The following CCDC138 variants were observed in gnomAD, a reference collection of about 807,000 sequenced individuals.
CCDC138 encodes the protein coiled-coil domain containing 138.
Under a neutral mutation model 82.3 loss-of-function variants are expected in CCDC138, and 66 were observed. That is an observed-to-expected ratio of 0.80 (90% CI 0.66 to 0.98). CCDC138 has a LOEUF of 0.98. Among genes scored for constraint, CCDC138 ranks in the 50% least tolerant of loss-of-function variants. The pLI is 0.00. For synonymous variants in CCDC138, 297 were observed against 265.4 expected (o/e 1.12, Z -1.16); for missense variants, 816 against 758.9 (o/e 1.08, Z -0.88).
intron 10 of CCDC138, among the ~76,000 whole-genome samples, chr2:108,818,233 G>A (rs558178375): frequency 1.3e-5 from 2 of 152,242 alleles, no homozygotes; most frequent in South Asian, 2.1e-4. Context: ...CTGAACCTGG[G>A]GGGGTCGAGG....
intron 13 of CCDC138, among the ~76,000 whole-genome samples, chr2:108,870,989 G>A (rs1432759826): frequency 6.6e-6 from 1 of 152,090 alleles, no homozygotes; most frequent in African/African-American, 2.4e-5. Flanking sequence ...CCAATTTAAA[G>A]AATGAATATA....
At chr2:108,809,737 G>A (rs1052299891) in intron 7 of CCDC138, among the ~76,000 whole-genome samples, 19 of 151,912 alleles carry the variant, frequency 1.3e-4, no homozygotes, top group Non-Finnish European at 2.8e-4. Flanking sequence ...GGAGTCTTTC[G>A]GTTTCTTTGC....
chr2:108,804,409 A>G (rs1447098979), intron 6 of CCDC138, among the ~76,000 whole-genome samples: 2 of 152,222 alleles, frequency 1.3e-5, no homozygotes, highest in East Asian at 3.8e-4. Flanking sequence ...AAAAGCAGGC[A>G]TCAAAAATTT....
intron 6 of CCDC138, among the ~76,000 whole-genome samples, chr2:108,800,646 C>CT (rs1051517597): frequency 6.6e-5 from 3 of 45,800 alleles, no homozygotes; most frequent in Admixed American, 3.2e-4. Flanking sequence ...TTTAATTATA[C>CT]TTTAAGTTTT....
At chr2:108,845,460 A>T (rs1690276975) in intron 11 of CCDC138, among the ~76,000 whole-genome samples, 1 of 152,216 alleles carries the variant, frequency 6.6e-6, no homozygotes, top group African/African-American at 2.4e-5. Context: ...ATAAAAACTC[A>T]GTCACATGAG....
Position 108,839,290 on chromosome 2 carries a change from G to A in CCDC138, c.1312G>A (p.Ala438Thr). Residue 438 changes from alanine (A) to threonine (T), a missense_variant, in exon 11 of 15, where the codon GCT becomes ACT. By Grantham distance (58) the Ala-to-Thr change is moderately conservative. Transcript: ENST00000295124. ...FIYWSLRQLD[A>T]GAQHSTMTST... ...ATATTGGTCCCTAAGGCAGCTAGAT[G>A]CTGGAGCACAGGTAATTGGTTAATA... The A allele has an allele frequency of 1.2e-6, 2 of 1,610,640 alleles. No individual in the cohort carries two copies. Among genetic ancestry groups the A allele is most frequent in the Non-Finnish European group, 1.7e-6 (2 of 1,178,580 alleles).
At chr2:108,853,955 TATATATAATAAAATATATATAATATATA>T (rs1324620954) in intron 12 of CCDC138, among the ~76,000 whole-genome samples, 4 of 118,438 alleles carry the variant, frequency 3.4e-5, no homozygotes, top group Admixed American at 1.1e-4. Context: ...ATACAATAAA[TATATATAATAAAATATATATAATATATA>T]ATATATAATA....
chr2:108,856,122 G>A (rs1426127938), intron 12 of CCDC138, among the ~76,000 whole-genome samples: 1 of 152,158 alleles, frequency 6.6e-6, no homozygotes, highest in African/African-American at 2.4e-5. Context: ...GCTTAAATTA[G>A]TGCTTCCCAA....
intron 9 of CCDC138, among the ~76,000 whole-genome samples, chr2:108,815,039 T>A (rs541038898): frequency 1.3e-5 from 2 of 152,366 alleles, no homozygotes; most frequent in South Asian, 4.1e-4. Flanking sequence ...AAATGTGTTT[T>A]GTAATAATAC....
intron 10 of CCDC138, among the ~76,000 whole-genome samples, chr2:108,822,119 C>T (rs192021295): frequency 9.2e-5 from 14 of 152,068 alleles, no homozygotes; most frequent in African/African-American, 3.4e-4. Flanking sequence ...TGGAAAAAGA[C>T]AATCCTTGTC....
intron 13 of CCDC138, among the ~76,000 whole-genome samples, chr2:108,865,098 C>T (rs1255632634): frequency 1.3e-5 from 2 of 151,990 alleles, no homozygotes; most frequent in African/African-American, 4.8e-5. Flanking sequence ...CACATTTTTA[C>T]TTTTTCCTTT....
chr2:108,793,186 T>C (rs901792140), intron 4 of CCDC138, among the ~76,000 whole-genome samples: 8 of 143,732 alleles, frequency 5.6e-5, no homozygotes, highest in African/African-American at 2.1e-4. Flanking sequence ...TGAAACCCTG[T>C]CTCTACTAAA....
chr2:108,849,601 C>T (rs1691098234), intron 12 of CCDC138, among the ~76,000 whole-genome samples: 1 of 152,180 alleles, frequency 6.6e-6, no homozygotes, highest in South Asian at 2.1e-4. Flanking sequence ...GATTCTTTCT[C>T]ACAAGGTTCC....
chr2:108,815,286 G>A (rs1684567693), intron 9 of CCDC138, among the ~76,000 whole-genome samples: 1 of 151,916 alleles, frequency 6.6e-6, no homozygotes, highest in Non-Finnish European at 1.5e-5. Flanking sequence ...ATGCTCTTAA[G>A]TTAAGGCTAA....
At chr2:108,813,003 A>G in intron 9 of CCDC138, 76 bp downstream of exon 9, 2 of 1,206,724 alleles carry the variant, frequency 1.7e-6, no homozygotes, top group South Asian at 2.6e-5. Context: ...TAATCCCAGC[A>G]CTTTGGGAGG....
At chr2:108,877,521 G>C (rs1696113435), downstream of CCDC138, among the ~76,000 whole-genome samples, 1 of 151,966 alleles carries the variant, frequency 6.6e-6, no homozygotes, top group South Asian at 2.1e-4. Flanking sequence ...GTGCACATTA[G>C]AAACAAAAAA....
At position 108,828,052 on chromosome 2, in the gene CCDC138, G is replaced by A. The variant is rs187380830; in HGVS notation, c.1207-11133G>A. Among the ~76,000 whole-genome samples, 17 of 151,970 alleles carry A rather than the reference G, an allele frequency of 1.1e-4. No homozygotes were observed. The East Asian group carries it at 2.1e-3, about 19-fold the overall frequency. On this transcript the variant is annotated intron_variant, in intron 10 of 14. Transcript: ENST00000295124. ...ATAGATTTCACATATGATAAAGGTAGCATGTTAAATCAATGGAGGAAAATA... is the reference window on the plus strand; with the variant it reads ...ATAGATTTCACATATGATAAAGGTAACATGTTAAATCAATGGAGGAAAATA...
At position 108,846,772 on chromosome 2, in the gene CCDC138, G is replaced by A. The variant is rs142557775; in HGVS notation, c.1358G>A (p.Gly453Asp). 1,125 of 1,612,630 alleles carry A rather than the reference G, an allele frequency of 7.0e-4. 1 individual carries two copies. The highest frequency in any genetic ancestry group is 9.0e-4 in the Non-Finnish European group (1,060 of 1,179,044). ...STMTSTLRRLGEDIFKGVVTK... is the reference protein window; with the variant it reads ...STMTSTLRRLDEDIFKGVVTK... ...ATGACATCAACATTGAGGAGATTGG[G>A]TGAAGACATTTTTAAAGGAGTGGTA... Residue 453 changes from glycine to aspartate, a missense_variant, in exon 12 of 15, where the codon GGT (glycine) becomes GAT (aspartate). Transcript: ENST00000295124.
At chr2:108,861,225 C>G (rs1334077659) in intron 13 of CCDC138, among the ~76,000 whole-genome samples, 1 of 150,020 alleles carries the variant, frequency 6.7e-6, no homozygotes, top group African/African-American at 2.4e-5. Context: ...CTCTTTTTTT[C>G]TTTGTTGATC....
Sources: gnomAD v4.1 joint callset for allele counts (sites outside exome capture counted in the v4.1 genomes callset) on GRCh38, gnomAD v4.1.1 for gene constraint, MANE v1.5 for transcripts, NCBI Gene and HGNC (gene_info 2026-07-23, HGNC 2026-07-21) for gene names.